The following ATG13 variants were observed in gnomAD, a reference collection of about 807,000 sequenced individuals.
The protein encoded by ATG13 is autophagy-related protein 13.
A neutral mutation model predicts 65.5 loss-of-function variants in ATG13; 23 were observed. The observed-to-expected ratio is 0.35, with a 90% CI of 0.25 to 0.50. The LOEUF (loss-of-function observed/expected upper bound fraction) is 0.50, where lower values mean the gene tolerates loss of function less well. Among genes scored for constraint, ATG13 ranks in the 20% least tolerant of loss-of-function variants. ATG13 has a pLI of 0.98. For synonymous variants in ATG13, 252 were observed against 245.2 expected (o/e 1.03, Z -0.26); for missense variants, 566 against 677.0 (o/e 0.84, Z 1.82).
intron 1 of ATG13, among the ~76,000 whole-genome samples, chr11:46,629,042 A>G (rs939797459): frequency 6.6e-6 from 1 of 151,488 alleles, no homozygotes; most frequent in African/African-American, 2.4e-5. Flanking sequence ...TCCTGGGCTC[A>G]AGAGATCCTC....
chr11:46,656,818 T>G (rs1023182856), intron 8 of ATG13: 6 of 412,478 alleles, frequency 1.5e-5, no homozygotes, highest in Non-Finnish European at 2.6e-5. Flanking sequence ...TTTATCTCTT[T>G]GAAGGTAGCT....
intron 11 of ATG13, chr11:46,659,723 T>A: frequency 2.7e-6 from 1 of 375,318 alleles, no homozygotes; most frequent in Non-Finnish European, 4.8e-6. Flanking sequence ...ATCTTAAAAT[T>A]CCCTAGAACA....
intron 2 of ATG13, among the ~76,000 whole-genome samples, chr11:46,634,618 C>G (rs1591623725): frequency 6.6e-6 from 1 of 151,902 alleles, no homozygotes; most frequent in African/African-American, 2.4e-5. Context: ...TGGTCTCAAA[C>G]TCCTGACCTC....
chr11:46,619,922 G>T (rs550067437), intron 1 of ATG13, among the ~76,000 whole-genome samples: 1 of 150,446 alleles, frequency 6.6e-6, no homozygotes, highest in Non-Finnish European at 1.5e-5. Context: ...CCACCTACTC[G>T]GGTGGCTGAG....
intron 12 of ATG13, 40 bp downstream of exon 12, chr11:46,664,135 C>T (rs2061777188): frequency 1.5e-6 from 2 of 1,362,642 alleles, no homozygotes; most frequent in African/African-American, 2.9e-5. Flanking sequence ...AATCAGATGG[C>T]ATCCTTTTAT....
chr11:46,633,630 A>AG (rs2052794666), intron 2 of ATG13, among the ~76,000 whole-genome samples: 1 of 151,990 alleles, frequency 6.6e-6, no homozygotes, highest in Non-Finnish European at 1.5e-5. Context: ...TACAGGCGTG[A>AG]GCCACCGTGC....
rs2056976594 is a variant in ATG13, at chr11:46,644,353, C to T, written c.62C>T (p.Ala21Val). 1 of 1,608,502 alleles carries T rather than the reference C, an allele frequency of 6.2e-7. No homozygotes were observed. The highest frequency in any genetic ancestry group is 2.2e-5 in the East Asian group (1 of 44,730). ...CTGGACAAGTTTATTAAATTTTTTG[C>T]CCTCAAGGTAATGTGTCCATTCTCT... ...KDLDKFIKFF[A>V]LKTVQVIVQA... The change falls in exon 3 of 19, where the codon GCC becomes GTC. Residue 21 changes from alanine (A) to valine (V), a missense_variant. Ala to Val is a moderately conservative substitution (Grantham distance 64). Transcript: ENST00000683050.
chr11:46,619,486 G>A (rs572172316), intron 1 of ATG13, among the ~76,000 whole-genome samples: 66 of 146,288 alleles, frequency 4.5e-4, no homozygotes, highest in African/African-American at 1.6e-3. Flanking sequence ...CCGGGTTCAA[G>A]CGATTCTCCT....
intron 1 of ATG13, among the ~76,000 whole-genome samples, chr11:46,625,740 A>G (rs1453540031): frequency 1.3e-5 from 2 of 152,174 alleles, no homozygotes. Context: ...ATCTTGTGAA[A>G]GGGTCCATTT....
In ATG13 at chr11:46,645,911, AG is replaced by A; in HGVS notation, c.193del (p.Ala65GlnfsTer39). On this transcript the variant is annotated frameshift_variant, in exon 5 of 19. Transcript: ENST00000683050. LOFTEE classifies it high-confidence loss of function. ...IKDIPEVTHE[A>X]KKALAGQLPA... ...AAGACATCCCAGAGGTTACACATGA[AG>A]CAAAGAAGGCACTGGCAGGACAGCT... 6.2e-7 allele frequency: 1 copy of A among 1,614,220 alleles called. No homozygotes were observed. Among genetic ancestry groups the A allele is most frequent in the Non-Finnish European group, 8.5e-7 (1 of 1,180,028 alleles).
intron 5 of ATG13, among the ~76,000 whole-genome samples, chr11:46,647,614 C>G (rs760055424): frequency 1.5e-4 from 23 of 151,884 alleles, no homozygotes; most frequent in Admixed American, 3.3e-4. Context: ...CTCTGTCACC[C>G]AGGCTGGAGT....
At chr11:46,653,180 C>CTTTTT (rs1226638713) in intron 7 of ATG13, among the ~76,000 whole-genome samples, 221 of 132,510 alleles carry the variant, frequency 1.7e-3, no homozygotes, top group East Asian at 2.8e-3. Context: ...CATTTCTTTT[C>CTTTTT]TTTTTTTTTT....
chr11:46,628,923 A>G (rs968995082), intron 1 of ATG13, among the ~76,000 whole-genome samples: 1 of 148,574 alleles, frequency 6.7e-6, no homozygotes, highest in Non-Finnish European at 1.5e-5. Context: ...GCCCCAAGCA[A>G]TACTGATCTG....
At position 46,656,299 on chromosome 11, in the gene ATG13, C is replaced by G. The variant is rs570971602; in HGVS notation, c.499+26C>G. 5.6e-6 allele frequency: 9 copies of G among 1,600,190 alleles called. 1 individual carries two copies. In the Admixed American group the frequency reaches 8.4e-5, roughly 15 times the overall value. ...GTATGTATCAACGGTTGAAAAACAT[C>G]GTAGTGTTCAGAGCTCTCCTAACTT... On this transcript the variant is annotated intron_variant, in intron 8 of 18. Transcript: ENST00000683050.
At position 46,667,867 on chromosome 11, in the gene ATG13, GT is replaced by G. The variant is rs764158191; in HGVS notation, c.1232del (p.Val411AlafsTer8). 1 of 1,612,488 alleles carries G rather than the reference GT, an allele frequency of 6.2e-7. No homozygotes were observed. Among genetic ancestry groups the G allele is most frequent in the Admixed American group, 1.7e-5 (1 of 60,012 alleles). Reference sequence around the variant, plus strand: ...CTTTGTCCGAAAAGTGGGGGCTTTTGTCAACAAACCCATTAACCAGGTGATT... The same window carrying G: ...CTTTGTCCGAAAAGTGGGGGCTTTTGCAACAAACCCATTAACCAGGTGATT... Reference protein sequence around the residue: ...TIFVRKVGAFVNKPINQVTLT... With the variant: ...TIFVRKVGAFXNKPINQVTLT... On this transcript the variant is annotated frameshift_variant, in exon 15 of 19. Transcript: ENST00000683050. LOFTEE classifies it high-confidence loss of function.
At chr11:46,657,752 G>A (rs1331951934) in intron 10 of ATG13, 130 bp downstream of exon 10, 10 of 754,388 alleles carry the variant, frequency 1.3e-5, no homozygotes, top group South Asian at 3.9e-5. Flanking sequence ...GAGACCCCAC[G>A]TGGAGAGAAA....
In ATG13 at chr11:46,650,455, G is replaced by C. The variant is rs1175912278; in HGVS notation, c.458+138G>C. 1.1e-5 allele frequency: 13 copies of C among 1,218,528 alleles called. No individual in the cohort carries two copies. The Admixed American group carries it at 2.8e-4, about 27-fold the overall frequency. The allele number at this position is 1,218,528 out of a possible 1,614,324, so 75.5% of individuals were successfully genotyped here. Reference sequence around the variant, plus strand: ...ATTATTGATGCTGTCGCTTTCATGTGATCACTATCCAGCCTGCCTTATGAA... The same window carrying C: ...ATTATTGATGCTGTCGCTTTCATGTCATCACTATCCAGCCTGCCTTATGAA... On this transcript the variant is annotated intron_variant, in intron 7 of 18. Coordinates refer to ENST00000683050, the MANE Select transcript of ATG13 (RefSeq NM_001346311.2).
At chr11:46,655,446 G>A (rs1048639389) in intron 7 of ATG13, among the ~76,000 whole-genome samples, 10 of 151,742 alleles carry the variant, frequency 6.6e-5, no homozygotes, top group South Asian at 4.2e-4. Flanking sequence ...GGTGGCATGC[G>A]TCTGTAATCC....
At chr11:46,642,208 A>G (rs1471036514) in intron 2 of ATG13, among the ~76,000 whole-genome samples, 2 of 151,606 alleles carry the variant, frequency 1.3e-5, no homozygotes, top group Non-Finnish European at 2.9e-5. Context: ...CTAGCTTCTC[A>G]GTTATCCATG....
Sources: gnomAD v4.1 joint callset for allele counts (sites outside exome capture counted in the v4.1 genomes callset) on GRCh38, gnomAD v4.1.1 for gene constraint, MANE v1.5 for transcripts, NCBI Gene and HGNC (gene_info 2026-07-23, HGNC 2026-07-21) for gene names.